The following MRPL1 variants were observed in gnomAD, a reference collection of about 807,000 sequenced individuals.
MRPL1 encodes large ribosomal subunit protein uL1m.
In MRPL1, 28 loss-of-function variants were observed where a neutral mutation model predicts 38.0. The observed-to-expected ratio is 0.74, with a 90% CI of 0.55 to 1.01. MRPL1 has a LOEUF of 1.01. Among genes scored for constraint, MRPL1 ranks in the 50% least tolerant of loss-of-function variants. The pLI is 0.00. For synonymous variants in MRPL1, 123 were observed against 126.7 expected (o/e 0.97, Z 0.20); for missense variants, 358 against 389.8 (o/e 0.92, Z 0.69).
At chr4:77,929,317 T>C (rs983352837) in intron 7 of MRPL1, among the ~76,000 whole-genome samples, 2 of 152,184 alleles carry the variant, frequency 1.3e-5, no homozygotes, top group African/African-American at 4.8e-5. Context: ...ATAAATATGA[T>C]AGCATTTACT....
chr4:77,886,167 C>T (rs1178429797), intron 4 of MRPL1, among the ~76,000 whole-genome samples: 1 of 151,996 alleles, frequency 6.6e-6, no homozygotes, highest in Non-Finnish European at 1.5e-5. Flanking sequence ...ATTGAAAATT[C>T]ATGCATTCAG....
intron 3 of MRPL1, 41 bp from the exon 4 acceptor site, chr4:77,885,215 G>A (rs1735646734): frequency 1.4e-6 from 2 of 1,433,658 alleles, no homozygotes; most frequent in Non-Finnish European, 2.0e-6. Flanking sequence ...AAATAGAAAA[G>A]ATTAACTTTA....
At chr4:77,939,390 T>G (rs1347037746) in intron 7 of MRPL1, among the ~76,000 whole-genome samples, 4 of 151,926 alleles carry the variant, frequency 2.6e-5, no homozygotes, top group East Asian at 1.9e-4. Context: ...GGATTGCTTG[T>G]TTTTTTTCTT....
At chr4:77,901,365 C>T (rs1736030244) in intron 6 of MRPL1, among the ~76,000 whole-genome samples, 1 of 150,110 alleles carries the variant, frequency 6.7e-6, no homozygotes, top group Non-Finnish European at 1.5e-5. Context: ...TAAGATGAAA[C>T]AAATAGAAAA....
intron 8 of MRPL1, 105 bp downstream of exon 8, chr4:77,949,983 G>A (rs1007608596): frequency 1.5e-5 from 8 of 536,514 alleles, no homozygotes; most frequent in African/African-American, 7.9e-5. Context: ...ATAGCAAAAT[G>A]TAAAATATTA....
intron 7 of MRPL1, among the ~76,000 whole-genome samples, chr4:77,936,399 A>AAAAACAAAAC (rs1157283948): frequency 6.6e-6 from 1 of 152,190 alleles, no homozygotes; most frequent in Non-Finnish European, 1.5e-5. Context: ...AGCTTTCTTT[A>AAAAACAAAAC]AAAACAAAAC....
chr4:77,940,539 C>G (rs1737097696), intron 7 of MRPL1, among the ~76,000 whole-genome samples: 1 of 152,136 alleles, frequency 6.6e-6, no homozygotes, highest in Non-Finnish European at 1.5e-5. Flanking sequence ...CCTTTTCTTT[C>G]TCTTGTCTAA....
intron 7 of MRPL1, among the ~76,000 whole-genome samples, chr4:77,910,639 C>T (rs904598777): frequency 7.9e-5 from 12 of 152,162 alleles, no homozygotes; most frequent in African/African-American, 2.9e-4. Context: ...CTATGTTGCC[C>T]AGGCTGGCCT....
In MRPL1 at chr4:77,885,350, TC is replaced by T; in HGVS notation, c.486+13del. 6.3e-7 allele frequency: 1 copy of T among 1,593,922 alleles called. No individual in the cohort carries two copies. On this transcript the variant is annotated intron_variant, in intron 4 of 8. Coordinates refer to ENST00000315567, the MANE Select transcript of MRPL1 (RefSeq NM_020236.4). The stretch of plus-strand genomic sequence containing the variant: ...GCTGTATTTACAGAGGTGAGTAACT[TC>T]CGTCAACTATTTATATCATTTAATT...
chr4:77,882,338 C>T (rs951845582), intron 2 of MRPL1, among the ~76,000 whole-genome samples: 16 of 152,138 alleles, frequency 1.1e-4, no homozygotes, highest in African/African-American at 3.6e-4. Context: ...CATATAATTA[C>T]ATATCACACA....
At chr4:77,926,130 T>C (rs1174362096) in intron 7 of MRPL1, among the ~76,000 whole-genome samples, 3 of 152,204 alleles carry the variant, frequency 2.0e-5, no homozygotes, top group Non-Finnish European at 4.4e-5. Context: ...GTGGTGAGCT[T>C]GGGGATGGGA....
intron 7 of MRPL1, among the ~76,000 whole-genome samples, chr4:77,915,392 G>T (rs1170560708): frequency 6.6e-6 from 1 of 152,118 alleles, no homozygotes; most frequent in East Asian, 1.9e-4. Context: ...ACATTTGTCA[G>T]CAGTACTTGC....
At chr4:77,863,408 A>G (rs1178144464) in intron 1 of MRPL1, among the ~76,000 whole-genome samples, 1 of 149,948 alleles carries the variant, frequency 6.7e-6, no homozygotes. Context: ...GCCTCTTTTC[A>G]TCTTAATAAT....
chr4:77,888,559 G>A (rs1735735812), intron 5 of MRPL1, among the ~76,000 whole-genome samples: 1 of 151,932 alleles, frequency 6.6e-6, no homozygotes, highest in Admixed American at 6.6e-5. Context: ...AAATAACAGA[G>A]CTTGGAGAGC....
intron 6 of MRPL1, among the ~76,000 whole-genome samples, chr4:77,906,039 C>G (rs1301033181): frequency 6.6e-6 from 1 of 152,126 alleles, no homozygotes; most frequent in South Asian, 2.1e-4. Context: ...GTATTTAAAG[C>G]CATGTGTCTG....
chr4:77,919,377 A>G (rs911096020), intron 7 of MRPL1, among the ~76,000 whole-genome samples: 14 of 152,150 alleles, frequency 9.2e-5, no homozygotes, highest in African/African-American at 2.4e-4. Flanking sequence ...TCATTATAAG[A>G]TAAGAGTTCT....
At chr4:77,880,272 A>G (rs1735508142) in intron 2 of MRPL1, among the ~76,000 whole-genome samples, 1 of 152,178 alleles carries the variant, frequency 6.6e-6, no homozygotes, top group African/African-American at 2.4e-5. Flanking sequence ...CAGCTTCAAG[A>G]GGCCACCCAC....
rs762699258 is a variant in MRPL1, at chr4:77,871,778, G to T, written c.66G>T (p.Lys22Asn). The T allele has an allele frequency of 1.3e-6, 2 of 1,592,764 alleles. No individual in the cohort carries two copies. Among genetic ancestry groups the T allele is most frequent in the Non-Finnish European group, 1.7e-6 (2 of 1,173,338 alleles). ...LIHHQRHSLS[K>N]MVYQTSLCSC... ...ATCATCAAAGGCATAGCCTTTCCAAGATGGTTTATCAGACATCACTTTGTT... is the reference window on the plus strand; with the variant it reads ...ATCATCAAAGGCATAGCCTTTCCAATATGGTTTATCAGACATCACTTTGTT... Residue 22 changes from lysine to asparagine, a missense_variant, in exon 2 of 9, where the codon AAG (lysine) becomes AAT (asparagine). By Grantham distance (94) the Lys-to-Asn change is moderately conservative. Coordinates refer to ENST00000315567, the MANE Select transcript of MRPL1 (RefSeq NM_020236.4).
intron 6 of MRPL1, among the ~76,000 whole-genome samples, 157 bp from the exon 7 acceptor site, chr4:77,909,109 A>G (rs908113565): frequency 1.7e-4 from 19 of 115,046 alleles, no homozygotes; most frequent in African/African-American, 2.4e-4. Flanking sequence ...TTCACACTCA[A>G]TGAATGTGAA....
Sources: allele counts gnomAD v4.1 joint callset (sites outside exome capture counted in the v4.1 genomes callset), GRCh38; gene constraint gnomAD v4.1.1; transcripts MANE v1.5; gene names NCBI Gene and HGNC (gene_info 2026-07-23, HGNC 2026-07-21).